Variants in FAF1 observed in about 807,000 individuals in gnomAD.
FAF1 encodes FAS-associated factor 1.
FAF1 carries 25 observed loss-of-function variants against 92.5 expected under a neutral mutation model. The ratio of observed to expected loss-of-function variants is 0.27; its 90% CI spans 0.20 to 0.38. The LOEUF is 0.38. FAF1 is among the 10% of genes least tolerant of loss of function. FAF1 has a pLI of 1.00. For synonymous variants in FAF1, 234 were observed against 273.2 expected (o/e 0.86, Z 1.42); for missense variants, 636 against 793.3 (o/e 0.80, Z 2.38).
intron 8 of FAF1, among the ~76,000 whole-genome samples, chr1:50,649,242 T>C (rs1186131162): frequency 3.3e-5 from 5 of 152,038 alleles, no homozygotes. Flanking sequence ...AACCTCCGCC[T>C]TCCGGGTTCA....
chr1:50,863,252 C>T lies in FAF1; in HGVS notation c.46-5255G>A, dbSNP rs369240400. On this transcript the variant is annotated intron_variant, in intron 1 of 18. Transcript: ENST00000396153. Reference sequence around the variant, plus strand: ...AAATACATGGAAATTAAATAATCCGCTCCTGAATGATCTTTGGGTCAACAA... The same window carrying T: ...AAATACATGGAAATTAAATAATCCGTTCCTGAATGATCTTTGGGTCAACAA... 1.1e-4 allele frequency among the ~76,000 whole-genome samples: 16 copies of T among 151,998 alleles called. No individual in the cohort carries two copies. The East Asian group carries it at 3.1e-3, about 29-fold the overall frequency.
intron 6 of FAF1, among the ~76,000 whole-genome samples, chr1:50,716,789 C>A (rs1029638261): frequency 2.6e-5 from 4 of 152,202 alleles, no homozygotes. Flanking sequence ...AATGGACCAA[C>A]CAGCAGGATG....
intron 4 of FAF1, among the ~76,000 whole-genome samples, chr1:50,766,539 A>C (rs1442441337): frequency 2.0e-5 from 3 of 151,964 alleles, no homozygotes; most frequent in African/African-American, 4.8e-5. Context: ...GGACATTAGG[A>C]AGCCTGGGGC....
At chr1:50,823,128 A>G (rs1644061312) in intron 2 of FAF1, among the ~76,000 whole-genome samples, 1 of 152,178 alleles carries the variant, frequency 6.6e-6, no homozygotes, top group African/African-American at 2.4e-5. Flanking sequence ...ATGCAAGGGA[A>G]GATTTTTGGA....
chr1:50,497,477 G>A (rs1572786116), intron 15 of FAF1, among the ~76,000 whole-genome samples: 1 of 150,042 alleles, frequency 6.7e-6, no homozygotes, highest in Admixed American at 6.6e-5. Context: ...CTAGACAAGG[G>A]AATAAACAAA....
At chr1:50,936,694 A>G (rs552284208) in intron 1 of FAF1, among the ~76,000 whole-genome samples, 3 of 152,298 alleles carry the variant, frequency 2.0e-5, no homozygotes, top group African/African-American at 7.2e-5. Context: ...TATTTAATGG[A>G]TAGTGAAAAC....
chr1:50,580,929 G>A (rs1041784983), intron 12 of FAF1, among the ~76,000 whole-genome samples: 1 of 152,080 alleles, frequency 6.6e-6, no homozygotes, highest in Non-Finnish European at 1.5e-5. Flanking sequence ...GCATCACCAG[G>A]CCTGGCTAAT....
chr1:50,774,313 T>C (rs1300629443), intron 4 of FAF1, among the ~76,000 whole-genome samples: 1 of 152,194 alleles, frequency 6.6e-6, no homozygotes, highest in East Asian at 1.9e-4. Flanking sequence ...TATTTATTAC[T>C]CATAAAGCAT....
chr1:50,475,162 C>G (rs1249893108), intron 18 of FAF1, among the ~76,000 whole-genome samples: 1 of 152,174 alleles, frequency 6.6e-6, no homozygotes, highest in Non-Finnish European at 1.5e-5. Flanking sequence ...ACAGATATAT[C>G]TCATTTGAGG....
At chr1:50,550,142 G>A (rs893673058) in intron 13 of FAF1, among the ~76,000 whole-genome samples, 1 of 151,948 alleles carries the variant, frequency 6.6e-6, no homozygotes, top group East Asian at 1.9e-4. Flanking sequence ...ACGAGGTCAG[G>A]AGATCAAGCC....
chr1:50,687,071 C>A (rs537947013), intron 7 of FAF1, among the ~76,000 whole-genome samples: 1 of 152,114 alleles, frequency 6.6e-6, no homozygotes, highest in Non-Finnish European at 1.5e-5. Context: ...TCAGGCCATC[C>A]GTCCACCTGA....
chr1:50,757,663 T>G (rs936950185), intron 4 of FAF1, among the ~76,000 whole-genome samples: 3 of 152,184 alleles, frequency 2.0e-5, no homozygotes, highest in Non-Finnish European at 4.4e-5. Context: ...GTTTCCTGTA[T>G]ATATCATACA....
At chr1:50,693,089 T>C (rs1657012265) in intron 7 of FAF1, among the ~76,000 whole-genome samples, 1 of 152,210 alleles carries the variant, frequency 6.6e-6, no homozygotes, top group Admixed American at 6.5e-5. Context: ...AAATAACCTA[T>C]TTTTCCTTGT....
chr1:50,596,252 T>TA, intron 8 of FAF1, 36 bp from the exon 9 acceptor site: 1 of 1,435,944 alleles, frequency 7.0e-7, no homozygotes, highest in Non-Finnish European at 9.8e-7. Context: ...GTAAACAAAA[T>TA]ACGGCCATGT....
At chr1:50,531,116 G>A (rs1219797291) in intron 15 of FAF1, among the ~76,000 whole-genome samples, 1 of 152,132 alleles carries the variant, frequency 6.6e-6, no homozygotes, top group Non-Finnish European at 1.5e-5. Context: ...AGCCTAGAAT[G>A]CCCCTCTGGC....
chr1:50,601,415 G>A lies in FAF1; in HGVS notation c.745-5199C>T, dbSNP rs563591020. 1.1e-4 allele frequency among the ~76,000 whole-genome samples: 17 copies of A among 152,172 alleles called. No individual in the cohort carries two copies. The South Asian group carries it at 3.5e-3, about 32-fold the overall frequency. Reference sequence around the variant, plus strand: ...TAGGCTGGGCGTGGTGGCTCGGTGTGAGACACCTGTAATTCCAGCACTTTG... The same window carrying A: ...TAGGCTGGGCGTGGTGGCTCGGTGTAAGACACCTGTAATTCCAGCACTTTG... On this transcript the variant is annotated intron_variant, in intron 8 of 18. Coordinates refer to ENST00000396153, the MANE Select transcript of FAF1 (RefSeq NM_007051.3).
intron 1 of FAF1, among the ~76,000 whole-genome samples, chr1:50,902,196 T>C (rs193290502): frequency 6.6e-6 from 1 of 152,246 alleles, no homozygotes; most frequent in East Asian, 1.9e-4. Flanking sequence ...ACTTAAAGGA[T>C]TTTTTAAAAC....
At chr1:50,763,763 A>T (rs1660454061) in intron 4 of FAF1, among the ~76,000 whole-genome samples, 1 of 152,360 alleles carries the variant, frequency 6.6e-6, no homozygotes, top group Middle Eastern at 3.4e-3. Flanking sequence ...ATCATAGCAA[A>T]GTGAACCAAT....
At chr1:50,678,337 T>TAG (rs1656239937) in intron 7 of FAF1, among the ~76,000 whole-genome samples, 1 of 152,306 alleles carries the variant, frequency 6.6e-6, no homozygotes, top group African/African-American at 2.4e-5. Context: ...GCCTAAAGTC[T>TAG]AGAGTTAGTT....
Sources: allele counts gnomAD v4.1 joint callset (sites outside exome capture counted in the v4.1 genomes callset), GRCh38; gene constraint gnomAD v4.1.1; transcripts MANE v1.5; gene names NCBI Gene and HGNC (gene_info 2026-07-23, HGNC 2026-07-21).